The following DYM variants were observed in gnomAD, a reference collection of about 807,000 sequenced individuals.
DYM encodes dymeclin, also known as dyggve-Melchior-Clausen syndrome protein.
A neutral mutation model predicts 93.1 loss-of-function variants in DYM; 78 were observed. The observed-to-expected ratio is 0.84, with a 90% confidence interval of 0.70 to 1.01. The LOEUF is 1.01. Ranked by LOEUF, DYM falls within the 50% of genes least tolerant of loss-of-function variation. DYM has a pLI of 0.00. For missense variants in DYM, 789 were observed against 845.0 expected (o/e 0.93, Z 0.82); for synonymous variants, 321 against 319.7 (o/e 1.00, Z -0.04).
rs1312014174 is a variant in DYM at position 49,097,926 on chromosome 18, C to G, written c.1912-411G>C. Among the ~76,000 whole-genome samples, 3 of 147,472 alleles carry G rather than the reference C, an allele frequency of 2.0e-5. No individual in the cohort carries two copies. In the South Asian group the frequency reaches 6.4e-4, roughly 31 times the overall value. The stretch of plus-strand genomic sequence containing the variant: ...CTCTCTCTCTCTCAAAAGGGCTTAA[C>G]AGGAAAGAATTTGAAACTAATGGCT... On this transcript the variant is annotated intron_variant, in intron 16 of 17. Transcript: ENST00000675505.
At chr18:49,219,894 A>C (rs1175813176) in intron 13 of DYM, among the ~76,000 whole-genome samples, 53 of 120,536 alleles carry the variant, frequency 4.4e-4, no homozygotes, top group Non-Finnish European at 7.9e-4. Flanking sequence ...ATAGTGTTGG[A>C]AGTTCTGGCC....
chr18:49,389,121 A>T (rs2068931396), intron 3 of DYM, among the ~76,000 whole-genome samples: 1 of 152,224 alleles, frequency 6.6e-6, no homozygotes, highest in African/African-American at 2.4e-5. Flanking sequence ...AATTGTCACA[A>T]AAGATTAGCA....
chr18:49,057,119 G>A (rs533801850), intron 17 of DYM, among the ~76,000 whole-genome samples: 2 of 152,224 alleles, frequency 1.3e-5, no homozygotes. Context: ...CCTTGGGCAG[G>A]CTAGAAATTT....
intron 2 of DYM, among the ~76,000 whole-genome samples, chr18:49,415,461 GTATT>G (rs1210642125): frequency 7.2e-6 from 1 of 139,368 alleles, no homozygotes; most frequent in Non-Finnish European, 1.5e-5. Flanking sequence ...GTGCTTTTCT[GTATT>G]TAAAGTATTA....
chr18:49,422,624 C>A (rs148031958), intron 2 of DYM, among the ~76,000 whole-genome samples: 11,724 of 151,976 alleles, frequency 0.077, 754 homozygotes, highest in East Asian at 0.31. Flanking sequence ...CAGTCAAGAC[C>A]CATCAGTGTG....
At chr18:49,306,233 C>T (rs2061268040) in intron 8 of DYM, among the ~76,000 whole-genome samples, 1 of 152,174 alleles carries the variant, frequency 6.6e-6, no homozygotes, top group African/African-American at 2.4e-5. Flanking sequence ...AGAGACATAA[C>T]ACAACAAATT....
intron 17 of DYM, among the ~76,000 whole-genome samples, chr18:49,046,774 T>C (rs975370489): frequency 4.6e-5 from 7 of 152,014 alleles, no homozygotes; most frequent in African/African-American, 1.7e-4. Context: ...ATGGCGCATG[T>C]CTGTAGCTAC....
intron 13 of DYM, among the ~76,000 whole-genome samples, chr18:49,219,917 C>CAGA (rs2093274997): frequency 7.5e-6 from 1 of 133,964 alleles, no homozygotes; most frequent in Non-Finnish European, 1.6e-5. Flanking sequence ...GGCAATTAGG[C>CAGA]AGAAGGAAAT....
At chr18:49,048,990 A>T (rs1054559122) in intron 17 of DYM, among the ~76,000 whole-genome samples, 3 of 152,232 alleles carry the variant, frequency 2.0e-5, no homozygotes, top group Admixed American at 6.5e-5. Flanking sequence ...CAAATGTTGC[A>T]AACAAAATCT....
rs2087491650 is a variant in DYM, at chr18:49,163,731, G to A, written c.1682C>T (p.Ser561Phe). Residue 561 changes from serine to phenylalanine, a missense_variant, in exon 15 of 18, where the codon TCC (serine) becomes TTC (phenylalanine). Coordinates refer to ENST00000675505, the MANE Select transcript of DYM (RefSeq NM_001353214.3). ...ATTAGAACTCAGCGAACCTCTCAAGGACTGTGTGGCTTGTTCCAGAACTTT... is the reference window on the plus strand; with the variant it reads ...ATTAGAACTCAGCGAACCTCTCAAGAACTGTGTGGCTTGTTCCAGAACTTT... ...HNKVLEQATQ[S>F]LRGSLSSNDV... 4 of 1,612,898 alleles carry A rather than the reference G, an allele frequency of 2.5e-6. No homozygotes were observed. Among genetic ancestry groups the A allele is most frequent in the Non-Finnish European group, 2.5e-6 (3 of 1,179,348 alleles).
intron 17 of DYM, among the ~76,000 whole-genome samples, chr18:49,065,327 T>A (rs957852793): frequency 1.4e-4 from 22 of 152,212 alleles, no homozygotes; most frequent in African/African-American, 5.3e-4. Context: ...TAACTCATAT[T>A]GCCTAGGCCA....
chr18:49,155,685 T>C (rs1426457186), intron 15 of DYM, among the ~76,000 whole-genome samples: 1 of 152,240 alleles, frequency 6.6e-6, no homozygotes, highest in African/African-American at 2.4e-5. Context: ...TTTTCAAGGT[T>C]CATCCATGAT....
chr18:49,416,932 A>T (rs12456269), intron 2 of DYM, among the ~76,000 whole-genome samples: 13,832 of 152,046 alleles, frequency 0.091, 821 homozygotes, highest in East Asian at 0.31. Context: ...CACCCTTCAG[A>T]GCCCCAGACC....
rs770291706 is a variant in DYM at position 49,163,657 on chromosome 18, T to C, written c.1728+28A>G. On this transcript the variant is annotated intron_variant, in intron 15 of 17. Transcript: ENST00000675505. The stretch of plus-strand genomic sequence containing the variant: ...CTGTGCCTGGCTGAAAGGAAAATTT[T>C]TTATTGATGAATAAGGTAACTACTT... 3.9e-6 allele frequency: 6 copies of C among 1,542,826 alleles called. No homozygotes were observed. In the East Asian group the frequency reaches 1.4e-4, roughly 35 times the overall value.
intron 11 of DYM, 57 bp downstream of exon 11, chr18:49,272,121 C>T (rs576059081): frequency 2.0e-5 from 31 of 1,521,954 alleles, no homozygotes; most frequent in East Asian, 4.6e-5. Context: ...GTAAATCTTA[C>T]GTAGGGACAT....
intron 14 of DYM, among the ~76,000 whole-genome samples, chr18:49,191,998 G>A (rs960031092): frequency 6.6e-5 from 10 of 151,798 alleles, no homozygotes; most frequent in African/African-American, 2.4e-4. Flanking sequence ...GTGTAATAGT[G>A]CAATCATAGC....
chr18:49,408,152 T>A (rs1402884559), intron 2 of DYM, among the ~76,000 whole-genome samples: 1 of 152,058 alleles, frequency 6.6e-6, no homozygotes, highest in East Asian at 1.9e-4. Flanking sequence ...AAAATATATA[T>A]ACAATTTTGC....
At chr18:49,106,306 T>A (rs1096920) in intron 16 of DYM, among the ~76,000 whole-genome samples, 2 of 152,124 alleles carry the variant, frequency 1.3e-5, no homozygotes, top group Non-Finnish European at 2.9e-5. Context: ...TGTCTCTGCA[T>A]GTGAGATGGG....
Position 49,118,941 on chromosome 18 carries a change from A to G in DYM, c.1729-15T>C. 6.2e-7 allele frequency: 1 copy of G among 1,611,906 alleles called. No individual in the cohort carries two copies. Among genetic ancestry groups the G allele is most frequent in the African/African-American group, 1.3e-5 (1 of 75,014 alleles). The stretch of plus-strand genomic sequence containing the variant: ...AGGTCTTGTGCCTTATAGAGAAAAG[A>G]AACCCCAACACAGAGTCAGTCTTTT... On this transcript the variant is annotated splice_polypyrimidine_tract_variant and intron_variant, in intron 15 of 17. Transcript: ENST00000675505.
Sources: allele counts gnomAD v4.1 joint callset (sites outside exome capture counted in the v4.1 genomes callset), GRCh38; gene constraint gnomAD v4.1.1; transcripts MANE v1.5; gene names NCBI Gene and HGNC (gene_info 2026-07-23, HGNC 2026-07-21).